The following ZBTB7C variants were observed in gnomAD, a reference collection of about 807,000 sequenced individuals.
The protein encoded by ZBTB7C is zinc finger and BTB domain containing 7C.
A neutral mutation model predicts 25.7 loss-of-function variants in ZBTB7C; 8 were observed. The ratio of observed to expected loss-of-function variants is 0.31; its 90% CI spans 0.18 to 0.56. The LOEUF is 0.56. Ranked by LOEUF, ZBTB7C falls within the 20% of genes least tolerant of loss-of-function variation. ZBTB7C has a pLI of 0.91. For synonymous variants in ZBTB7C, 394 were observed against 369.0 expected, an observed-to-expected ratio of 1.07 and a Z score of -0.78; for missense variants, 824 against 855.2, an observed-to-expected ratio of 0.96 and a Z score of 0.46.
chr18:48,262,887 C>A (rs1568338093), intron 2 of ZBTB7C, among the ~76,000 whole-genome samples: 1 of 152,158 alleles, frequency 6.6e-6, no homozygotes, highest in African/African-American at 2.4e-5. Flanking sequence ...GATGCAGAAT[C>A]TGCGAGCCAA....
intron 4 of ZBTB7C, among the ~76,000 whole-genome samples, chr18:48,033,422 C>T (rs1412266136): frequency 6.6e-6 from 1 of 152,196 alleles, no homozygotes; most frequent in Non-Finnish European, 1.5e-5. Context: ...CAGACCAGAA[C>T]AATCAAGAGA....
chr18:48,212,602 G>A (rs1299465986), intron 2 of ZBTB7C, among the ~76,000 whole-genome samples: 2 of 152,024 alleles, frequency 1.3e-5, no homozygotes, highest in Non-Finnish European at 2.9e-5. Context: ...GGGGTATAAG[G>A]GAACTCTCCG....
intron 3 of ZBTB7C, among the ~76,000 whole-genome samples, chr18:48,095,174 T>C (rs1250228631): frequency 6.6e-6 from 1 of 152,154 alleles, no homozygotes; most frequent in African/African-American, 2.4e-5. Flanking sequence ...GACACATTCC[T>C]AGGTCTGGAG....
At position 48,344,145 on chromosome 18, in the gene ZBTB7C, G is replaced by A. The variant is rs773336691; in HGVS notation, c.-303-5747C>T. ...ATTGCAGGCACACACCTCCACACCC[G>A]GCTAATTTTTGTATTTTTAGTAGAG... On this transcript the variant is annotated intron_variant, in intron 1 of 4. Transcript: ENST00000590800. Among the ~76,000 whole-genome samples, 27 of 152,188 alleles carry A rather than the reference G, an allele frequency of 1.8e-4. No homozygotes were observed. In the East Asian group the frequency reaches 2.3e-3, roughly 13 times the overall value.
intron 1 of ZBTB7C, among the ~76,000 whole-genome samples, chr18:48,373,674 T>C (rs957162434): frequency 3.3e-5 from 5 of 152,144 alleles, no homozygotes; most frequent in African/African-American, 1.2e-4. Flanking sequence ...TATTTAAAAG[T>C]CTGTGGGCCG....
At chr18:48,190,947 T>G (rs548806936) in intron 2 of ZBTB7C, among the ~76,000 whole-genome samples, 13 of 152,344 alleles carry the variant, frequency 8.5e-5, no homozygotes, top group African/African-American at 1.7e-4. Flanking sequence ...AAAATTGGTG[T>G]TGTTCTTCTT....
At chr18:48,036,786 G>C (rs2035991125) in intron 4 of ZBTB7C, among the ~76,000 whole-genome samples, 1 of 152,114 alleles carries the variant, frequency 6.6e-6, no homozygotes, top group Non-Finnish European at 1.5e-5. Context: ...CAGGTGGAAG[G>C]GGCAGGTGTT....
intron 3 of ZBTB7C, among the ~76,000 whole-genome samples, chr18:48,100,817 A>T (rs1176491398): frequency 6.6e-6 from 1 of 152,118 alleles, no homozygotes; most frequent in Non-Finnish European, 1.5e-5. Context: ...ACAAGGTCGC[A>T]AATCAAGCCG....
chr18:48,056,402 A>G (rs1201252665), intron 3 of ZBTB7C, among the ~76,000 whole-genome samples: 1 of 152,256 alleles, frequency 6.6e-6, no homozygotes, highest in Non-Finnish European at 1.5e-5. Flanking sequence ...AAAAATAAGC[A>G]TTTAGGAATA....
intron 3 of ZBTB7C, among the ~76,000 whole-genome samples, chr18:48,068,603 C>T (rs1464465497): frequency 6.6e-6 from 1 of 152,174 alleles, no homozygotes; most frequent in Admixed American, 6.5e-5. Context: ...TAAAACTCCC[C>T]AGGGCCTCCC....
intron 3 of ZBTB7C, among the ~76,000 whole-genome samples, chr18:48,096,074 A>C (rs1217924548): frequency 6.6e-6 from 1 of 152,242 alleles, no homozygotes; most frequent in Non-Finnish European, 1.5e-5. Context: ...TCGGGGGCTC[A>C]GGTTCTTGGT....
At chr18:48,302,014 C>T (rs998448992) in intron 2 of ZBTB7C, among the ~76,000 whole-genome samples, 4 of 152,058 alleles carry the variant, frequency 2.6e-5, no homozygotes, top group African/African-American at 9.7e-5. Flanking sequence ...ACAACTGCCA[C>T]TCCCCGGCTT....
chr18:48,241,095 A>G (rs2043510777), intron 2 of ZBTB7C, among the ~76,000 whole-genome samples: 1 of 152,200 alleles, frequency 6.6e-6, no homozygotes, highest in African/African-American at 2.4e-5. Flanking sequence ...ACAATTAAAA[A>G]AAAACAAAGA....
At chr18:48,071,921 G>A (rs1237266009) in intron 3 of ZBTB7C, among the ~76,000 whole-genome samples, 4 of 152,348 alleles carry the variant, frequency 2.6e-5, no homozygotes, top group African/African-American at 2.4e-5. Context: ...CTTCTTGGAA[G>A]TACCTGGAAT....
chr18:48,348,079 G>T (rs1360038277), intron 1 of ZBTB7C, among the ~76,000 whole-genome samples: 2 of 152,204 alleles, frequency 1.3e-5, no homozygotes, highest in African/African-American at 4.8e-5. Context: ...ACTACCAAGA[G>T]CCAGGCATTT....
At chr18:48,074,472 C>T (rs570975972) in intron 3 of ZBTB7C, among the ~76,000 whole-genome samples, 9 of 152,346 alleles carry the variant, frequency 5.9e-5, no homozygotes, top group East Asian at 1.9e-4. Context: ...GCTCAGCAGA[C>T]GACTGTCATA....
At chr18:48,353,733 G>A (rs564655452) in intron 1 of ZBTB7C, among the ~76,000 whole-genome samples, 1 of 152,296 alleles carries the variant, frequency 6.6e-6, no homozygotes, top group East Asian at 1.9e-4. Context: ...GGTTGCAATG[G>A]CACACGCTAG....
In ZBTB7C at chr18:48,029,117, C is replaced by T. The variant is rs991677219; in HGVS notation, c.*143G>A. The T allele has an allele frequency of 8.4e-6, 10 of 1,191,106 alleles. No homozygotes were observed. The highest frequency in any genetic ancestry group is 1.0e-5 in the Non-Finnish European group (9 of 894,992). The allele number at this position is 1,191,106 out of a possible 1,614,324, so 73.8% of individuals were successfully genotyped here. On this transcript the variant is annotated 3_prime_UTR_variant, in exon 5 of 5. Transcript: ENST00000590800. The stretch of plus-strand genomic sequence containing the variant: ...GCTGCTTTAGGAGCCCGGGAAAATG[C>T]CATCACTGATAGTATTATTATTATT...
At chr18:48,230,774 G>C (rs1231658762) in intron 2 of ZBTB7C, among the ~76,000 whole-genome samples, 1 of 152,154 alleles carries the variant, frequency 6.6e-6, no homozygotes, top group African/African-American at 2.4e-5. Flanking sequence ...AACACTGCTA[G>C]GGGAAGGTGC....
Sources: gnomAD v4.1 joint callset for allele counts (sites outside exome capture counted in the v4.1 genomes callset) on GRCh38, gnomAD v4.1.1 for gene constraint, MANE v1.5 for transcripts, NCBI Gene and HGNC (gene_info 2026-07-23, HGNC 2026-07-21) for gene names.